The following GRIN1 variants were observed in gnomAD, a reference collection of about 807,000 sequenced individuals.
The protein encoded by GRIN1 is glutamate ionotropic receptor NMDA type subunit 1.
GRIN1 carries 38 observed loss-of-function variants against 103.0 expected under a neutral mutation model. The ratio of observed to expected loss-of-function variants is 0.37; its 90% CI spans 0.28 to 0.48. The LOEUF (loss-of-function observed/expected upper bound fraction) is 0.48, where lower values mean the gene tolerates loss of function less well. Ranked by LOEUF, GRIN1 falls within the 20% of genes least tolerant of loss-of-function variation. The pLI, the probability that GRIN1 is intolerant of heterozygous loss-of-function variation, is 0.98. For synonymous variants in GRIN1, 544 were observed against 532.7 expected (o/e 1.02, Z -0.29); for missense variants, 577 against 1,288.9 (o/e 0.45, Z 8.46).
rs762354529 is a variant in GRIN1, at chr9:137,139,772, C to T, written c.258+28C>T. The T allele has an allele frequency of 1.9e-6, 3 of 1,565,902 alleles. No homozygotes were observed. Among genetic ancestry groups the T allele is most frequent in the Non-Finnish European group, 2.6e-6 (3 of 1,136,586 alleles). ...GCCCTCCCCCACCTCCGCCACCCACCTCCCCTCTCCTCCATCCTGCAACCC... is the reference window on the plus strand; with the variant it reads ...GCCCTCCCCCACCTCCGCCACCCACTTCCCCTCTCCTCCATCCTGCAACCC... On this transcript the variant is annotated intron_variant, in intron 1 of 19. Coordinates refer to ENST00000371561, the MANE Select transcript of GRIN1 (RefSeq NM_007327.4). The surrounding 1 kb of genome is among the most constrained non-coding windows in gnomAD (Gnocchi z 7.7).
In GRIN1 at chr9:137,142,140, C is replaced by T. The variant is rs1166926915; in HGVS notation, c.386C>T (p.Ser129Leu). 1.9e-6 allele frequency: 3 copies of T among 1,614,050 alleles called. No individual in the cohort carries two copies. The highest frequency in any genetic ancestry group is 2.5e-6 in the Non-Finnish European group (3 of 1,180,006). Residue 129 changes from serine (S) to leucine (L), a missense_variant, in exon 2 of 20, where the codon TCG (serine) becomes TTG (leucine). Transcript: ENST00000371561. ...CTGACCACCCGCATGTCCATCTACT[C>T]GGACAAGGTAAGCCTGACTGCCAGA... Reference protein sequence around the residue: ...LGLTTRMSIYSDKSIHLSFLR... With the variant: ...LGLTTRMSIYLDKSIHLSFLR...
intron 19 of GRIN1, 32 bp from the exon 20 acceptor site, chr9:137,167,379 A>G (rs955897804): frequency 1.6e-5 from 25 of 1,523,320 alleles, no homozygotes; most frequent in Non-Finnish European, 2.1e-5. Context: ...CGGCGGGGCC[A>G]GCGGGTATTG....
rs1332508025 is a variant in GRIN1, at chr9:137,142,097, C to T, written c.343C>T (p.Arg115Cys). ...TPVSYTAGFY[R>C]IPVLGLTTRM... The stretch of plus-strand genomic sequence containing the variant: ...TGTCTCCTACACAGCCGGCTTCTAC[C>T]GCATACCCGTGCTGGGGCTGACCAC... The change falls in exon 2 of 20, where the codon CGC becomes TGC. Residue 115 changes from arginine (R) to cysteine (C), a missense_variant. Arg to Cys is a radical substitution (Grantham distance 180, BLOSUM62 -3). Transcript: ENST00000371561. 6 of 1,614,094 alleles carry T rather than the reference C, an allele frequency of 3.7e-6. No individual in the cohort carries two copies. Among genetic ancestry groups the T allele is most frequent in the East Asian group, 2.2e-5 (1 of 44,906 alleles).
At chr9:137,160,152 G>A (rs542773627) in intron 8 of GRIN1, among the ~76,000 whole-genome samples, 3 of 152,342 alleles carry the variant, frequency 2.0e-5, no homozygotes, top group African/African-American at 7.2e-5. Flanking sequence ...GGTGGAGCAC[G>A]TACACACGGG....
chr9:137,168,643 G>A lies in GRIN1; in HGVS notation c.*1116G>A, dbSNP rs1010816214. The A allele has an allele frequency of 2.3e-5, 8 of 345,054 alleles. No homozygotes were observed. Among genetic ancestry groups the A allele is most frequent in the African/African-American group, 4.3e-5 (2 of 46,228 alleles). 21.4% of individuals were successfully genotyped at this position (345,054 alleles called of 1,614,324 possible). A position where few individuals can be genotyped will look rare whatever the true frequency, so the allele number is the denominator to read the frequency against. ...CAGGGCCCGAGCGCGTGCCTTCCCC[G>A]TGCGGCCCGTGCGCAGCCGCGCTCT... is the stretch of plus-strand genomic sequence containing the variant. On this transcript the variant is annotated 3_prime_UTR_variant, in exon 20 of 20. Transcript: ENST00000371561.
chr9:137,167,297 C>A, intron 19 of GRIN1, 114 bp from the exon 20 acceptor site: 1 of 812,336 alleles, frequency 1.2e-6, no homozygotes, highest in Non-Finnish European at 2.1e-6. Flanking sequence ...CTGCGGAGAT[C>A]CCCTGCCCCT....
In GRIN1 at chr9:137,162,257, TG is replaced by T; in HGVS notation, c.1720del (p.Ala574ProfsTer2). 1 of 1,545,516 alleles carries T rather than the reference TG, an allele frequency of 6.5e-7. No individual in the cohort carries two copies. ...WLLVGLSVHV[V>X]AVMLYLLDRF... ...CTGGTGGGGCTGTCGGTGCACGTGGTGGCCGTGATGCTGTACCTGCTGGACC... is the reference window on the plus strand; with the variant it reads ...CTGGTGGGGCTGTCGGTGCACGTGGTGCCGTGATGCTGTACCTGCTGGACC... On this transcript the variant is annotated frameshift_variant, in exon 12 of 20. Transcript: ENST00000371561. LOFTEE classifies it high-confidence loss of function.
chr9:137,147,457 C>A (rs988590747), intron 3 of GRIN1, among the ~76,000 whole-genome samples: 12 of 152,002 alleles, frequency 7.9e-5, no homozygotes, highest in African/African-American at 2.7e-4. Context: ...TGCACACGCA[C>A]ACACATGCAC....
At chr9:137,142,786 TG>T (rs887820829) in intron 2 of GRIN1, among the ~76,000 whole-genome samples, 13 of 152,070 alleles carry the variant, frequency 8.5e-5, no homozygotes, top group African/African-American at 2.7e-4. Context: ...TGGAGAGCAA[TG>T]TCTGTGGTTG....
rs369387854 is a variant in GRIN1 at position 137,144,160 on chromosome 9, G to A, written c.394-1566G>A. ...AAAGGTGGTGGGCTGCAGGGGAAGA[G>A]GTGAGCTCACCCCAGGCACAATTCC... On this transcript the variant is annotated intron_variant, in intron 2 of 19. Coordinates refer to ENST00000371561, the MANE Select transcript of GRIN1 (RefSeq NM_007327.4). Among the ~76,000 whole-genome samples the A allele has an allele frequency of 3.9e-5, 6 of 152,298 alleles. No homozygotes were observed. The South Asian group carries it at 1.0e-3, about 26-fold the overall frequency.
rs779390664 is a variant in GRIN1 at position 137,158,613 on chromosome 9, A to G, written c.1114-8A>G. 3 of 1,612,216 alleles carry G rather than the reference A, an allele frequency of 1.9e-6. No homozygotes were observed. The highest frequency in any genetic ancestry group is 1.7e-5 in the Admixed American group (1 of 60,006). On this transcript the variant is annotated splice_polypyrimidine_tract_variant and splice_region_variant and intron_variant, in intron 7 of 19. Coordinates refer to ENST00000371561, the MANE Select transcript of GRIN1 (RefSeq NM_007327.4). ...TGGCCACCCTCCATCTCATACTCCC[A>G]CCCCCAGGTCATCCCTAATGACAGG...
intron 9 of GRIN1, 43 bp from the exon 10 acceptor site, chr9:137,161,246 G>C (rs1195902985): frequency 1.2e-6 from 2 of 1,610,638 alleles, no homozygotes; most frequent in Non-Finnish European, 1.7e-6. Context: ...CGCGGGGCGT[G>C]GGGCGGTCTG....
rs916979963 is a variant in GRIN1 at position 137,153,546 on chromosome 9, T to C, written c.672-3123T>C. The stretch of plus-strand genomic sequence containing the variant: ...GCCATATACCACATGTGTACACACA[T>C]GCACCATGCATACACCATACACACG... On this transcript the variant is annotated intron_variant, in intron 4 of 19. Transcript: ENST00000371561. Among the ~76,000 whole-genome samples, 3 of 152,160 alleles carry C rather than the reference T, an allele frequency of 2.0e-5. No individual in the cohort carries two copies. In the East Asian group the frequency reaches 5.8e-4, roughly 29 times the overall value.
At chr9:137,148,783 C>A (rs558744325) in intron 3 of GRIN1, among the ~76,000 whole-genome samples, 1 of 152,214 alleles carries the variant, frequency 6.6e-6, no homozygotes, top group Non-Finnish European at 1.5e-5. Context: ...GAGCACAGAA[C>A]GAGCACAGGT....
chr9:137,163,376 G>C lies in GRIN1; in HGVS notation c.2333+46G>C, dbSNP rs555727772. On this transcript the variant is annotated intron_variant, in intron 16 of 19. Transcript: ENST00000371561. ...GTCCCTCCTCCGCCCCTCTCCGCCA[G>C]AGGTGGACGCCCTCCCCAGTGCCAG... is the stretch of plus-strand genomic sequence containing the variant. 4 of 1,603,836 alleles carry C rather than the reference G, an allele frequency of 2.5e-6. No homozygotes were observed. The South Asian group carries it at 4.4e-5, about 18-fold the overall frequency.
At chr9:137,166,920 G>A (rs1477552542) in intron 19 of GRIN1, among the ~76,000 whole-genome samples, 2 of 152,222 alleles carry the variant, frequency 1.3e-5, no homozygotes, top group African/African-American at 2.4e-5. Context: ...GCCACGGGGG[G>A]CAAGCACAAA....
Position 137,163,321 on chromosome 9 carries a change from C to G in GRIN1, c.2324C>G (p.Ser775Cys). 6.2e-7 allele frequency: 1 copy of G among 1,613,556 alleles called. No individual in the cohort carries two copies. Among genetic ancestry groups the G allele is most frequent in the African/African-American group, 1.3e-5 (1 of 75,042 alleles). Residue 775 changes from serine (S) to cysteine (C), a missense_variant, in exon 16 of 20, where the codon TCC (serine) becomes TGC (cysteine). Ser to Cys is a moderately radical substitution (Grantham distance 112). Coordinates refer to ENST00000371561, the MANE Select transcript of GRIN1 (RefSeq NM_007327.4). ...DSPWKQNVSL[S>C]ILKSHENGFM... is the part of the protein sequence containing the mutation. ...CCCTGGAAGCAGAACGTCTCCCTGT[C>G]CATCCTCAAGTGAGTGTCCGTGCGC... is the stretch of plus-strand genomic sequence containing the variant.
intron 3 of GRIN1, chr9:137,148,002 GC>G: frequency 5.5e-6 from 2 of 362,974 alleles, no homozygotes; most frequent in Non-Finnish European, 1.0e-5. Flanking sequence ...CCCCAGCCCC[GC>G]CCCGGGCCTC....
At chr9:137,158,291 G>A (rs1833347897) in intron 6 of GRIN1, 88 bp from the exon 7 acceptor site, 3 of 1,422,938 alleles carry the variant, frequency 2.1e-6, no homozygotes, top group Non-Finnish European at 3.0e-6. Flanking sequence ...CAGGGGGAAG[G>A]AGCAGGGAGA....
Sources: gnomAD v4.1 joint callset for allele counts (sites outside exome capture counted in the v4.1 genomes callset) on GRCh38, gnomAD v4.1.1 for gene constraint, Gnocchi (gnomAD v3.1) non-coding constraint, MANE v1.5 for transcripts, NCBI Gene and HGNC (gene_info 2026-07-23, HGNC 2026-07-21) for gene names.